Variants in GIT2 observed in about 807,000 individuals in gnomAD.
GIT2 encodes GIT ArfGAP 2.
GIT2 carries 32 observed loss-of-function variants against 100.3 expected under a neutral mutation model. The ratio of observed to expected loss-of-function variants is 0.32; its 90% CI spans 0.24 to 0.43. The LOEUF (loss-of-function observed/expected upper bound fraction) is 0.43, where lower values mean the gene tolerates loss of function less well. Among genes scored for constraint, GIT2 ranks in the 20% least tolerant of loss-of-function variants. The pLI is 1.00. For missense variants in GIT2, 737 were observed against 975.1 expected, an observed-to-expected ratio of 0.76 and a Z score of 3.25; for synonymous variants, 353 against 364.1, an observed-to-expected ratio of 0.97 and a Z score of 0.35.
upstream of GIT2, among the ~76,000 whole-genome samples, chr12:109,997,204 C>CAAAAA (rs35732772): frequency 2.3e-5 from 1 of 43,324 alleles, no homozygotes; most frequent in African/African-American, 7.8e-5. Flanking sequence ...GACTCCGTCT[C>CAAAAA]AAAAAAAAAA....
At chr12:109,986,947 ACT>A (rs1269540271) in intron 4 of GIT2, among the ~76,000 whole-genome samples, 3 of 151,988 alleles carry the variant, frequency 2.0e-5, no homozygotes, top group African/African-American at 4.8e-5. Flanking sequence ...ACAGAGCGAG[ACT>A]CTGTCTCAAA....
Position 109,948,320 on chromosome 12 carries a change from T to C in GIT2, c.1393-816A>G. 1 of 987,824 alleles carries C rather than the reference T, an allele frequency of 1.0e-6. No homozygotes were observed. Among genetic ancestry groups the C allele is most frequent in the Non-Finnish European group, 1.2e-6 (1 of 831,572 alleles). The allele number at this position is 987,824 out of a possible 1,614,324, so 61.2% of individuals were successfully genotyped here. ...ATATTTGGCCTTTCTCTCCTTTGGC[T>C]TTGTCACCCAAAAAACACGACCTCA... On this transcript the variant is annotated intron_variant, in intron 14 of 19. Coordinates refer to ENST00000355312, the MANE Select transcript of GIT2 (RefSeq NM_057169.5). The surrounding 1 kb of genome is among the most constrained non-coding windows in gnomAD (Gnocchi z 4.3).
At chr12:109,938,867 T>G in intron 17 of GIT2, 1 of 490,154 alleles carries the variant, frequency 2.0e-6, no homozygotes, top group Non-Finnish European at 3.6e-6. Context: ...ACTCCTTGGG[T>G]ACAAATGCAG....
rs979998291 is a variant in GIT2, at chr12:109,962,239, A to T, written c.817-554T>A. On this transcript the variant is annotated intron_variant, in intron 9 of 19. Transcript: ENST00000355312. This position sits in a 1 kb window ranked among gnomAD's most constrained non-coding sequence, Gnocchi z 4.3. ...GTGGTGGTGCACACTTGTAGTGCCA[A>T]CTACTCAGGAGGCTGAGGCAGGAGG... Among the ~76,000 whole-genome samples, 46 of 152,158 alleles carry T rather than the reference A, an allele frequency of 3.0e-4. No individual in the cohort carries two copies. The highest frequency in any genetic ancestry group is 3.0e-3 in the Admixed American group (46 of 15,278).
intron 1 of GIT2, 23 bp downstream of exon 1, chr12:109,996,150 C>CG: frequency 2.7e-6 from 4 of 1,467,036 alleles, no homozygotes; most frequent in Non-Finnish European, 2.7e-6. Flanking sequence ...CAGAGGGGAG[C>CG]GGGCCCGGCC....
intron 12 of GIT2, among the ~76,000 whole-genome samples, chr12:109,957,041 C>A (rs1240938584): frequency 6.6e-6 from 1 of 151,432 alleles, no homozygotes; most frequent in Non-Finnish European, 1.5e-5. Context: ...AAAACAAAAT[C>A]AAACTTTATT....
rs1238428521 is a variant in GIT2 at position 109,996,250 on chromosome 12, A to T, written c.-26T>A. On this transcript the variant is annotated 5_prime_UTR_variant, in exon 1 of 20. Coordinates refer to ENST00000355312, the MANE Select transcript of GIT2 (RefSeq NM_057169.5). ...GGCTCCCACCTCCCACCTGCGGGGA[A>T]CTAGAGGCCGGGGGACAGCAAAGGC... The T allele has an allele frequency of 1.3e-6, 2 of 1,504,386 alleles. No individual in the cohort carries two copies. The highest frequency in any genetic ancestry group is 1.8e-6 in the Non-Finnish European group (2 of 1,116,034). 93.2% of individuals were successfully genotyped at this position (1,504,386 alleles called of 1,614,324 possible). A position where few individuals can be genotyped will look rare whatever the true frequency, so the allele number is the denominator to read the frequency against.
At chr12:109,959,136 C>T (rs570633488) in intron 12 of GIT2, among the ~76,000 whole-genome samples, 9 of 150,360 alleles carry the variant, frequency 6.0e-5, no homozygotes, top group Non-Finnish European at 1.2e-4. Context: ...GGTGCAATCT[C>T]GGCTCACTGC....
intron 8 of GIT2, chr12:109,965,855 G>A: frequency 1.8e-6 from 1 of 563,130 alleles, no homozygotes; most frequent in Non-Finnish European, 3.3e-6. Context: ...TTACCTTCCA[G>A]GCCCTTATGT....
chr12:109,983,285 A>G lies in GIT2; in HGVS notation c.623+88T>C, dbSNP rs925287935. Reference sequence around the variant, plus strand: ...ACGTACATCTTTAAAGGGGTTCAATATCAACATATACAACTTAGCTACTTA... The same window carrying G: ...ACGTACATCTTTAAAGGGGTTCAATGTCAACATATACAACTTAGCTACTTA... On this transcript the variant is annotated intron_variant, in intron 6 of 19. Coordinates refer to ENST00000355312, the MANE Select transcript of GIT2 (RefSeq NM_057169.5). The G allele has an allele frequency of 1.8e-5, 21 of 1,162,512 alleles. No individual in the cohort carries two copies. In the Admixed American group the frequency reaches 4.0e-4, roughly 22 times the overall value. 72.0% of individuals were successfully genotyped at this position (1,162,512 alleles called of 1,614,324 possible).
intron 14 of GIT2, among the ~76,000 whole-genome samples, chr12:109,949,669 T>C (rs796180661): frequency 5.9e-5 from 9 of 152,344 alleles, no homozygotes; most frequent in African/African-American, 2.2e-4. Flanking sequence ...GCAAATAATT[T>C]CACTTTGCAT....
At chr12:109,938,798 G>T (rs563900081) in intron 17 of GIT2, 1 of 528,080 alleles carries the variant, frequency 1.9e-6, no homozygotes, top group South Asian at 2.9e-5. Context: ...GGGGAAAAGG[G>T]AGGGAAATAC....
At chr12:109,977,432 G>A (rs1054620758) in intron 7 of GIT2, among the ~76,000 whole-genome samples, 1 of 152,054 alleles carries the variant, frequency 6.6e-6, no homozygotes, top group Non-Finnish European at 1.5e-5. Flanking sequence ...GATCACTTGA[G>A]CTCAAGAGGT....
At chr12:109,980,073 T>C (rs1240006923) in intron 7 of GIT2, among the ~76,000 whole-genome samples, 2 of 152,122 alleles carry the variant, frequency 1.3e-5, no homozygotes, top group African/African-American at 4.8e-5. Context: ...ACTTTATTCA[T>C]TTATTTTTTA....
At position 109,951,247 on chromosome 12, in the gene GIT2, C is replaced by T; in HGVS notation, c.1312G>A (p.Val438Met). ...QEFMEVKNAL[V>M]ASEAKIQQLM... ...TGCTGTATCTTGGCCTCAGAAGCCA[C>T]TAGAGCGTTTTTGACCTCCATAAAT... Residue 438 changes from valine to methionine, a missense_variant, in exon 14 of 20, where the codon GTG becomes ATG. Around this residue, in one of 3 missense-constraint regions of GIT2, gnomAD observed 451 missense variants for 543.7 expected, o/e 0.83. Coordinates refer to ENST00000355312, the MANE Select transcript of GIT2 (RefSeq NM_057169.5). 6.2e-7 allele frequency: 1 copy of T among 1,612,016 alleles called. No individual in the cohort carries two copies. Among genetic ancestry groups the T allele is most frequent in the Middle Eastern group, 1.6e-4 (1 of 6,062 alleles).
intron 12 of GIT2, 128 bp downstream of exon 12, chr12:109,959,719 A>AG: frequency 1.6e-6 from 1 of 638,258 alleles, no homozygotes; most frequent in Non-Finnish European, 2.8e-6. Context: ...AAGTAAAAAA[A>AG]CAAACAAAAA....
At chr12:109,974,470 G>A (rs986364045) in intron 7 of GIT2, among the ~76,000 whole-genome samples, 39 of 152,220 alleles carry the variant, frequency 2.6e-4, no homozygotes, top group African/African-American at 8.2e-4. Flanking sequence ...AGGTTGCAGC[G>A]AGCCAAGATT....
intron 5 of GIT2, 21 bp downstream of exon 5, chr12:109,983,587 A>T: frequency 6.3e-7 from 1 of 1,595,278 alleles, no homozygotes; most frequent in Non-Finnish European, 8.6e-7. Context: ...TCAATATCTG[A>T]AGCAATTCAT....
chr12:109,941,862 G>A lies in GIT2; in HGVS notation c.1732-2615C>T, dbSNP rs1874835217. Among the ~76,000 whole-genome samples the A allele has an allele frequency of 4.0e-5, 6 of 149,758 alleles. No individual in the cohort carries two copies. In the South Asian group the frequency reaches 1.3e-3, roughly 31 times the overall value. Reference sequence around the variant, plus strand: ...TTTTTTTGAGACAGGGTCTCACTCTGTCGCCTAGGCTAAGTGCAGTGGTAC... The same window carrying A: ...TTTTTTTGAGACAGGGTCTCACTCTATCGCCTAGGCTAAGTGCAGTGGTAC... On this transcript the variant is annotated intron_variant, in intron 16 of 19. Coordinates refer to ENST00000355312, the MANE Select transcript of GIT2 (RefSeq NM_057169.5).
Sources: allele counts gnomAD v4.1 joint callset (sites outside exome capture counted in the v4.1 genomes callset), GRCh38; gene constraint gnomAD v4.1.1; regional missense constraint gnomAD v4.1.1; non-coding constraint Gnocchi (gnomAD v3.1); transcripts MANE v1.5; gene names NCBI Gene and HGNC (gene_info 2026-07-23, HGNC 2026-07-21).